Variants in RGS13 observed in about 807,000 individuals in gnomAD.
The protein encoded by RGS13 is regulator of G protein signaling 13.
A neutral mutation model predicts 19.9 loss-of-function variants in RGS13; 14 were observed. That is an observed-to-expected ratio of 0.70 (90% CI 0.46 to 1.10). The LOEUF (loss-of-function observed/expected upper bound fraction) is 1.10. Among genes scored for constraint, RGS13 ranks in the 50% least tolerant of loss-of-function variants. The pLI is 0.00. For missense variants in RGS13, 205 were observed against 187.1 expected (o/e 1.10, Z -0.56); for synonymous variants, 60 against 56.8 (o/e 1.06, Z -0.25).
intron 3 of RGS13, among the ~76,000 whole-genome samples, chr1:192,643,219 T>A (rs1264872528): frequency 6.6e-6 from 1 of 152,112 alleles, no homozygotes; most frequent in African/African-American, 2.4e-5. Flanking sequence ...ACAAGATGTA[T>A]ATTGATCACA....
intron 3 of RGS13, among the ~76,000 whole-genome samples, chr1:192,640,527 A>G (rs1412989788): frequency 6.6e-6 from 1 of 152,162 alleles, no homozygotes; most frequent in Non-Finnish European, 1.5e-5. Context: ...GCACACAAAC[A>G]TATCCCTTTA....
Position 192,644,343 on chromosome 1 carries a change from G to A in RGS13, c.9G>A (p.Arg3=), listed in dbSNP as rs145586765. Residue 3 remains arginine, a synonymous_variant, in exon 4 of 7, where the codon AGG becomes AGA. Transcript: ENST00000391995. The part of the protein sequence containing the change: MS[R]RNCWICKMCR... ...TGTATTTCCTTAGAAAAATGAGCAG[G>A]CGGAATTGTTGGATTTGTAAGATGT... 85 of 1,609,884 alleles carry A rather than the reference G, an allele frequency of 5.3e-5. No individual in the cohort carries two copies. In the African/African-American group the frequency reaches 8.6e-4, roughly 16 times the overall value.
At chr1:192,659,252 C>G in intron 6 of RGS13, 86 bp from the exon 7 acceptor site, 2 of 855,082 alleles carry the variant, frequency 2.3e-6, no homozygotes, top group Non-Finnish European at 3.6e-6. Context: ...AAAAGGAGAG[C>G]AGAGAATAAA....
In RGS13 at chr1:192,649,594, G is replaced by C. The variant is rs115564074; in HGVS notation, c.127+1607G>C. Among the ~76,000 whole-genome samples the C allele has an allele frequency of 2.7e-3, 413 of 152,076 alleles. 1 individual carries two copies. The highest frequency in any genetic ancestry group is 9.0e-3 in the African/African-American group (373 of 41,496). ...TGCCTACCAACAAGTCCAAAATCTT[G>C]GTATTTAGTACTCTCTACACCCTAA... On this transcript the variant is annotated intron_variant, in intron 5 of 6. Transcript: ENST00000391995.
rs1373771002 is a variant in RGS13, at chr1:192,660,241, A to G, written c.*718A>G. 1 of 152,146 alleles carries G rather than the reference A, an allele frequency of 6.6e-6. No individual in the cohort carries two copies. The highest frequency in any genetic ancestry group is 1.9e-4 in the East Asian group (1 of 5,200). The allele number at this position is 152,146 out of a possible 1,614,324, so 9.4% of individuals were successfully genotyped here. A position where few individuals can be genotyped will look rare whatever the true frequency, so the allele number is the denominator to read the frequency against. On this transcript the variant is annotated 3_prime_UTR_variant, in exon 7 of 7. Coordinates refer to ENST00000391995, the MANE Select transcript of RGS13 (RefSeq NM_002927.5). ...ACTCATCGTGATCTTGGAAATCAAT[A>G]AAGTCAAATATCAACTAAAGACTTA...
At chr1:192,647,803 GCC>G in intron 4 of RGS13, 121 bp from the exon 5 acceptor site, 1 of 473,958 alleles carries the variant, frequency 2.1e-6, no homozygotes, top group Non-Finnish European at 3.7e-6. Context: ...TCCAACCAAA[GCC>G]ACACACAAAT....
chr1:192,649,556 C>T (rs887088998), intron 5 of RGS13, among the ~76,000 whole-genome samples: 5 of 152,066 alleles, frequency 3.3e-5, no homozygotes, highest in African/African-American at 1.2e-4. Context: ...GAATATCATT[C>T]TTTTTTCTCT....
chr1:192,644,634 A>G (rs1470707382), intron 4 of RGS13: 9 of 420,350 alleles, frequency 2.1e-5, no homozygotes, highest in Non-Finnish European at 3.9e-5. Context: ...TCTATTATGA[A>G]TAGTCTCTGT....
intron 3 of RGS13, among the ~76,000 whole-genome samples, chr1:192,638,816 C>T (rs907388575): frequency 9.2e-5 from 14 of 152,024 alleles, no homozygotes; most frequent in African/African-American, 3.4e-4. Flanking sequence ...ATCATTGATG[C>T]TTTTATGACA....
intron 3 of RGS13, among the ~76,000 whole-genome samples, chr1:192,639,404 G>C (rs1449915242): frequency 6.6e-6 from 1 of 152,060 alleles, no homozygotes; most frequent in African/African-American, 2.4e-5. Context: ...CTCTGTTGTA[G>C]ACCCAACTAA....
At chr1:192,656,293 T>C (rs1419860001) in intron 5 of RGS13, among the ~76,000 whole-genome samples, 2 of 152,032 alleles carry the variant, frequency 1.3e-5, no homozygotes, top group African/African-American at 4.8e-5. Flanking sequence ...ACAAACCATA[T>C]AAATATTGGC....
rs372688055 is a variant in RGS13 at position 192,658,223 on chromosome 1, A to G, written c.150A>G (p.Ala50=). 9.9e-6 allele frequency: 16 copies of G among 1,613,086 alleles called. No homozygotes were observed. Among genetic ancestry groups the G allele is most frequent in the African/African-American group, 1.3e-5 (1 of 74,862 alleles). Residue 50 remains alanine (A), a synonymous_variant, in exon 6 of 7, where the codon GCA becomes GCG. Coordinates refer to ENST00000391995, the MANE Select transcript of RGS13 (RefSeq NM_002927.5). ...TAGATGGTCCAGTAGTCTATGCAGC[A>G]TATTTAAAAATGGAGCACAGTGACG... ...ATKYGPVVYA[A]YLKMEHSDEN...
At chr1:192,655,615 T>C (rs1302357478) in intron 5 of RGS13, among the ~76,000 whole-genome samples, 4 of 151,920 alleles carry the variant, frequency 2.6e-5, no homozygotes, top group Non-Finnish European at 5.9e-5. Context: ...AATGCTGACA[T>C]AAACAGGACA....
At chr1:192,648,256 C>T (rs181345287) in intron 5 of RGS13, among the ~76,000 whole-genome samples, 9 of 152,240 alleles carry the variant, frequency 5.9e-5, no homozygotes, top group South Asian at 2.1e-4. Context: ...TAAGTAGTAA[C>T]GCATACCATA....
intron 4 of RGS13, 50 bp downstream of exon 4, chr1:192,644,449 T>C (rs752274902): frequency 6.8e-6 from 9 of 1,328,088 alleles, no homozygotes; most frequent in African/African-American, 2.9e-5. Flanking sequence ...ATTTATCAGA[T>C]GATAAATAGG....
chr1:192,642,552 C>G (rs1403256785), intron 3 of RGS13, among the ~76,000 whole-genome samples: 3 of 151,938 alleles, frequency 2.0e-5, no homozygotes, highest in African/African-American at 7.3e-5. Flanking sequence ...GTCTCAAACT[C>G]CTGGGCTCAA....
At chr1:192,646,010 C>G (rs901035802) in intron 4 of RGS13, 11 of 152,156 alleles carry the variant, frequency 7.2e-5, no homozygotes, top group Admixed American at 5.9e-4. Context: ...CCTTGCCTAG[C>G]TCTTTCCATT....
intron 3 of RGS13, among the ~76,000 whole-genome samples, chr1:192,638,457 G>A (rs74876528): frequency 0.033 from 4,996 of 152,088 alleles, 216 homozygotes; most frequent in East Asian, 0.11. Flanking sequence ...AATGTAGAGA[G>A]TGTTATAAGG....
At chr1:192,646,107 A>C (rs1663216052) in intron 4 of RGS13, 1 of 152,184 alleles carries the variant, frequency 6.6e-6, no homozygotes, top group African/African-American at 2.4e-5. Flanking sequence ...TATTTCATGG[A>C]AATGTTTTTT....
Sources: allele counts gnomAD v4.1 joint callset (sites outside exome capture counted in the v4.1 genomes callset), GRCh38; gene constraint gnomAD v4.1.1; transcripts MANE v1.5; gene names NCBI Gene and HGNC (gene_info 2026-07-23, HGNC 2026-07-21).